EPHB6: variants seen among roughly 807,000 people sequenced by gnomAD.
EPHB6 encodes the protein EPH receptor B6, also known as ephrin type-B receptor 6.
In EPHB6, 51 loss-of-function variants were observed where a neutral mutation model predicts 107.0. The ratio of observed to expected loss-of-function variants is 0.48; its 90% CI spans 0.38 to 0.60. The LOEUF (loss-of-function observed/expected upper bound fraction) is 0.60. Among genes scored for constraint, EPHB6 ranks in the 20% least tolerant of loss-of-function variants. The pLI is 0.00. For missense variants in EPHB6, 1,141 were observed against 1,355.5 expected (o/e 0.84, Z 2.48); for synonymous variants, 553 against 549.0 (o/e 1.01, Z -0.10).
rs1803025853 is a variant in EPHB6, at chr7:142,864,382, A to G, written c.582A>G (p.Gln194=). Residue 194 remains glutamine, a synonymous_variant, in exon 7 of 20, where the codon CAA becomes CAG. Coordinates refer to ENST00000652003, the MANE Select transcript of EPHB6 (RefSeq NM_004445.6). ...PHGAGQRAGL[Q]LNVKERSFGP... is the part of the protein sequence containing the mutation. ...GGGCTGGGCAGCGGGCTGGACTGCA[A>G]CTGAACGTCAAAGAGCGGAGCTTTG... The G allele has an allele frequency of 6.2e-7, 1 of 1,613,204 alleles. No homozygotes were observed. Among genetic ancestry groups the G allele is most frequent in the Non-Finnish European group, 8.5e-7 (1 of 1,179,904 alleles).
rs1198745383 is a variant in EPHB6 at position 142,863,255 on chromosome 7, G to A, written c.28G>A (p.Gly10Arg). 6.8e-6 allele frequency: 11 copies of A among 1,614,040 alleles called. No homozygotes were observed. The highest frequency in any genetic ancestry group is 1.3e-5 in the African/African-American group (1 of 74,998). The change falls in exon 5 of 20, where the codon GGG becomes AGG. Residue 10 changes from glycine (G) to arginine (R), a missense_variant. Coordinates refer to ENST00000652003, the MANE Select transcript of EPHB6 (RefSeq NM_004445.6). ...GGCTACTGAAGGGGCTGCCCAGTTA[G>A]GGAACAGAGTGGCGGGCATGGTGTG... MATEGAAQL[G>R]NRVAGMVCSL...
At position 142,867,082 on chromosome 7, in the gene EPHB6, A is replaced by G; in HGVS notation, c.1750+14A>G. On this transcript the variant is annotated intron_variant, in intron 11 of 19. Transcript: ENST00000652003. The surrounding 1 kb of genome is among the most constrained non-coding windows in gnomAD (Gnocchi z 5.3). ...CACTTCCTCAAGGTGAGCGGGGGTC[A>G]AGGGCCAGATGGGCAGGTGAAGGCC... The G allele has an allele frequency of 6.2e-7, 1 of 1,611,122 alleles. No individual in the cohort carries two copies. The highest frequency in any genetic ancestry group is 8.5e-7 in the Non-Finnish European group (1 of 1,179,502).
At chr7:142,857,196 C>T (rs559367906) in intron 1 of EPHB6, among the ~76,000 whole-genome samples, 1 of 152,334 alleles carries the variant, frequency 6.6e-6, no homozygotes, top group East Asian at 1.9e-4. Context: ...GCACATTTGT[C>T]TGAGTCACAG....
Position 142,870,669 on chromosome 7 carries a change from G to T in EPHB6, c.2944G>T (p.Ala982Ser), listed in dbSNP as rs1794875450. The part of the protein sequence containing the change: ...KFGLCTFSDV[A>S]QLSLEDLPAL... ...TGGCCTCTGTACCTTCAGTGATGTG[G>T]CTCAGCTCAGCCTAGAGTAAGCAGG... The change falls in exon 19 of 20, where the codon GCT becomes TCT. Residue 982 changes from alanine (A) to serine (S), a missense_variant. Physicochemically the swap from Ala to Ser is moderately conservative, Grantham distance 99. Around this residue, in one of 3 missense-constraint regions of EPHB6, gnomAD observed 616 missense variants for 759.3 expected, o/e 0.81. Coordinates refer to ENST00000652003, the MANE Select transcript of EPHB6 (RefSeq NM_004445.6). The T allele has an allele frequency of 6.2e-7, 1 of 1,614,222 alleles. No individual in the cohort carries two copies. Among genetic ancestry groups the T allele is most frequent in the East Asian group, 2.2e-5 (1 of 44,880 alleles).
Position 142,855,699 on chromosome 7 carries a change from G to A in EPHB6, c.-432+314G>A, listed in dbSNP as rs1344476785. On this transcript the variant is annotated intron_variant, in intron 1 of 19. Coordinates refer to ENST00000652003, the MANE Select transcript of EPHB6 (RefSeq NM_004445.6). The surrounding 1 kb of genome is among the most constrained non-coding windows in gnomAD (Gnocchi z 4.2). ...GGCTTGGGAGTCCTAATCTGGGAGG[G>A]TCCTCGCAGAGACGGAGCTCCACGC... Among the ~76,000 whole-genome samples the A allele has an allele frequency of 6.6e-6, 1 of 152,150 alleles. No homozygotes were observed. The highest frequency in any genetic ancestry group is 1.5e-5 in the Non-Finnish European group (1 of 68,008).
In EPHB6 at chr7:142,861,125, A is replaced by T. The variant is rs1478686494; in HGVS notation, c.-358A>T. 6.6e-6 allele frequency: 1 copy of T among 152,140 alleles called. No homozygotes were observed. The highest frequency in any genetic ancestry group is 1.5e-5 in the Non-Finnish European group (1 of 68,034). 9.4% of individuals were successfully genotyped at this position (152,140 alleles called of 1,614,324 possible). ...ACACGAGGAGAGATAGAGAACCGCC[A>T]ATCTCTAAATCAACAAGCAAAGGAG... is the stretch of plus-strand genomic sequence containing the variant. On this transcript the variant is annotated 5_prime_UTR_variant, in exon 2 of 20. Coordinates refer to ENST00000652003, the MANE Select transcript of EPHB6 (RefSeq NM_004445.6).
rs1267640390 is a variant in EPHB6, at chr7:142,864,433, C to T, written c.633C>T (p.Tyr211=). 2.5e-6 allele frequency: 4 copies of T among 1,612,014 alleles called. No homozygotes were observed. Among genetic ancestry groups the T allele is most frequent in the Non-Finnish European group, 3.4e-6 (4 of 1,179,208 alleles). ...SFGPLTQRGF[Y]VAFQDTGACL... is the part of the protein sequence containing the mutation. ...GGCCTCTCACCCAACGCGGCTTCTA[C>T]GTGGCCTTCCAGGACACGGGGGCCT... is the stretch of plus-strand genomic sequence containing the variant. Residue 211 remains tyrosine (Y), a synonymous_variant, in exon 7 of 20, where the codon TAC becomes TAT. Coordinates refer to ENST00000652003, the MANE Select transcript of EPHB6 (RefSeq NM_004445.6).
At chr7:142,863,549 T>G in intron 5 of EPHB6, 82 bp from the exon 6 acceptor site, 1 of 1,528,944 alleles carries the variant, frequency 6.5e-7, no homozygotes. Context: ...GGGCATTCTT[T>G]TGTTCGCGGT....
In EPHB6 at chr7:142,868,955, C is replaced by T. The variant is rs1370618905; in HGVS notation, c.2287-19C>T. ...CTGTCTCCGATCACTGACCTCTGCC[C>T]CCTGCCCCTTCCCCTCAGCAGCGGG... On this transcript the variant is annotated intron_variant, in intron 15 of 19. Transcript: ENST00000652003. This position sits in a 1 kb window ranked among gnomAD's most constrained non-coding sequence, Gnocchi z 4.2. The T allele has an allele frequency of 1.2e-6, 2 of 1,604,664 alleles. No homozygotes were observed. The highest frequency in any genetic ancestry group is 2.2e-5 in the East Asian group (1 of 44,852).
At position 142,865,481 on chromosome 7, in the gene EPHB6, C is replaced by T. The variant is rs898901943; in HGVS notation, c.956C>T (p.Pro319Leu). The T allele has an allele frequency of 1.9e-6, 3 of 1,613,176 alleles. No homozygotes were observed. The highest frequency in any genetic ancestry group is 4.5e-5 in the East Asian group (2 of 44,862). The change falls in exon 8 of 20, where the codon CCA becomes CTA. Residue 319 changes from proline to leucine, a missense_variant. Physicochemically the swap from Pro to Leu is moderately conservative, Grantham distance 98 (BLOSUM62 -3). Transcript: ENST00000652003. Reference sequence around the variant, plus strand: ...CTCTCCTCTGCCTCCTCAGCCTGCCCACGGGGGCTCTATAAGGCTTCTGCT... The same window carrying T: ...CTCTCCTCTGCCTCCTCAGCCTGCCTACGGGGGCTCTATAAGGCTTCTGCT... ...ARGDKACQAC[P>L]RGLYKASAGN...
Position 142,864,295 on chromosome 7 carries a change from CT to C in EPHB6, c.496del (p.Ser166ProfsTer30). ...DTIAADESFPSSSSSSSSSSS... is the reference protein window; with the variant it reads ...DTIAADESFPXSSSSSSSSSS... ...CAATTGCAGCAGACGAGAGCTTTCC[CT>C]CCTCCTCCTCCTCCTCCTCCTCCTC... On this transcript the variant is annotated frameshift_variant, in exon 7 of 20. Transcript: ENST00000652003. LOFTEE classifies it high-confidence loss of function. The C allele has an allele frequency of 2.0e-5, 1 of 50,278 alleles. No individual in the cohort carries two copies. The highest frequency in any genetic ancestry group is 8.5e-4 in the South Asian group (1 of 1,176). The allele number at this position is 50,278 out of a possible 1,614,324, so 3.1% of individuals were successfully genotyped here.
chr7:142,862,458 A>G (rs576076449), intron 3 of EPHB6, among the ~76,000 whole-genome samples: 1 of 152,302 alleles, frequency 6.6e-6, no homozygotes, highest in South Asian at 2.1e-4. Context: ...TTGTTCACAA[A>G]GTGTATGCCA....
rs1411090527 is a variant in EPHB6, at chr7:142,862,753, C to G, written c.-179-3C>G. ...AATGAAAATCTTCTAACTTCCAATA[C>G]AGGGTGGCTGTTGGAGGAAGGGAGG... On this transcript the variant is annotated splice_polypyrimidine_tract_variant and splice_region_variant and intron_variant, in intron 3 of 19. Coordinates refer to ENST00000652003, the MANE Select transcript of EPHB6 (RefSeq NM_004445.6). The G allele has an allele frequency of 6.4e-6, 1 of 155,934 alleles. No homozygotes were observed. The highest frequency in any genetic ancestry group is 1.4e-5 in the Non-Finnish European group (1 of 70,874). 9.7% of individuals were successfully genotyped at this position (155,934 alleles called of 1,614,324 possible). A position where few individuals can be genotyped will look rare whatever the true frequency, so the allele number is the denominator to read the frequency against.
At position 142,869,962 on chromosome 7, in the gene EPHB6, A is replaced by C; in HGVS notation, c.2606A>C (p.Gln869Pro). ...GERPYWDMSEQEVLNAIEQEF... is the reference protein window; with the variant it reads ...GERPYWDMSEPEVLNAIEQEF... ...CGGCCTTACTGGGACATGAGTGAGCAGGAGGTGAGCACTGACCTAGACACT... is the reference window on the plus strand; with the variant it reads ...CGGCCTTACTGGGACATGAGTGAGCCGGAGGTGAGCACTGACCTAGACACT... Residue 869 changes from glutamine (Q) to proline (P), a missense_variant, in exon 17 of 20, where the codon CAG (glutamine) becomes CCG (proline). By Grantham distance (76) the Gln-to-Pro change is moderately conservative. Around this residue, in one of 3 missense-constraint regions of EPHB6, gnomAD observed 616 missense variants for 759.3 expected, o/e 0.81. Coordinates refer to ENST00000652003, the MANE Select transcript of EPHB6 (RefSeq NM_004445.6). This position sits in a 1 kb window ranked among gnomAD's most constrained non-coding sequence, Gnocchi z 4.5. 2 of 1,614,188 alleles carry C rather than the reference A, an allele frequency of 1.2e-6. No homozygotes were observed. Among genetic ancestry groups the C allele is most frequent in the Admixed American group, 3.3e-5 (2 of 60,022 alleles).
At position 142,866,040 on chromosome 7, in the gene EPHB6, C is replaced by G. The variant is rs540484128; in HGVS notation, c.1186C>G (p.Leu396Val). The G allele has an allele frequency of 6.5e-5, 105 of 1,613,074 alleles. 2 individuals are homozygous for G. The South Asian group carries it at 1.1e-3, about 17-fold the overall frequency. Residue 396 changes from leucine to valine, a missense_variant, in exon 9 of 20, where the codon CTG becomes GTG. Physicochemically the swap from Leu to Val is conservative, Grantham distance 32. Coordinates refer to ENST00000652003, the MANE Select transcript of EPHB6 (RefSeq NM_004445.6). The surrounding 1 kb of genome is among the most constrained non-coding windows in gnomAD (Gnocchi z 5.2). Reference protein sequence around the residue: ...LMLHWRLPRELGGRGDLLFNV... With the variant: ...LMLHWRLPREVGGRGDLLFNV... ...GCTACACTGGCGCCTGCCTCGGGAGCTGGGGGGTCGAGGGGACCTGCTCTT... is the reference window on the plus strand; with the variant it reads ...GCTACACTGGCGCCTGCCTCGGGAGGTGGGGGGTCGAGGGGACCTGCTCTT...
Position 142,866,023 on chromosome 7 carries a change from G to C in EPHB6, c.1169G>C (p.Trp390Ser), listed in dbSNP as rs2116441799. The C allele has an allele frequency of 6.2e-7, 1 of 1,613,856 alleles. No individual in the cohort carries two copies. The highest frequency in any genetic ancestry group is 2.2e-5 in the East Asian group (1 of 44,858). The stretch of plus-strand genomic sequence containing the variant: ...CAAGGCTCAGCACTCATGCTACACT[G>C]GCGCCTGCCTCGGGAGCTGGGGGGT... ...EVQGSALMLH[W>S]RLPRELGGRG... The change falls in exon 9 of 20, where the codon TGG (tryptophan) becomes TCG (serine). Residue 390 changes from tryptophan to serine, a missense_variant. Physicochemically the swap from Trp to Ser is radical, Grantham distance 177 (BLOSUM62 -3). Transcript: ENST00000652003. The surrounding 1 kb of genome is among the most constrained non-coding windows in gnomAD (Gnocchi z 5.2).
chr7:142,866,174 CCTGA>C lies in EPHB6; in HGVS notation c.1325_1328del (p.Thr442ArgfsTer5), dbSNP rs1318213236. ...TCCACTTCGACCCTCGCCAGAGAGGCCTGACTGAGAGCCGAGTGTTAGTGGGGGG... is the reference window on the plus strand; with the variant it reads ...TCCACTTCGACCCTCGCCAGAGAGGCCTGAGAGCCGAGTGTTAGTGGGGGG... On this transcript the variant is annotated frameshift_variant, in exon 9 of 20. Coordinates refer to ENST00000652003, the MANE Select transcript of EPHB6 (RefSeq NM_004445.6). LOFTEE classifies it high-confidence loss of function. This position sits in a 1 kb window ranked among gnomAD's most constrained non-coding sequence, Gnocchi z 5.2. The C allele has an allele frequency of 6.2e-7, 1 of 1,614,134 alleles. No individual in the cohort carries two copies.
At chr7:142,861,212 T>A (rs1217901371) in intron 2 of EPHB6, 26 bp downstream of exon 2, 1 of 152,190 alleles carries the variant, frequency 6.6e-6, no homozygotes, top group Non-Finnish European at 1.5e-5. Context: ...GTTCATTTGC[T>A]CGTGAGCTTA....
At position 142,866,496 on chromosome 7, in the gene EPHB6, C is replaced by T. The variant is rs1382943675; in HGVS notation, c.1478C>T (p.Pro493Leu). ...TGCACTCTAGTGCCCTCTGCTGTCC[C>T]TGTGGTGCACCAGGTGAGCCGGGCA... ...STSHEVPSAV[P>L]VVHQVSRASN... Residue 493 changes from proline (P) to leucine (L), a missense_variant, in exon 10 of 20, where the codon CCT becomes CTT. Transcript: ENST00000652003. This position sits in a 1 kb window ranked among gnomAD's most constrained non-coding sequence, Gnocchi z 5.2. 26 of 1,614,170 alleles carry T rather than the reference C, an allele frequency of 1.6e-5. No homozygotes were observed. Among genetic ancestry groups the T allele is most frequent in the Non-Finnish European group, 2.1e-5 (25 of 1,180,036 alleles).
Sources: gnomAD v4.1 joint callset for allele counts (sites outside exome capture counted in the v4.1 genomes callset) on GRCh38, gnomAD v4.1.1 for gene constraint, gnomAD v4.1.1 regional missense constraint, Gnocchi (gnomAD v3.1) non-coding constraint, MANE v1.5 for transcripts, NCBI Gene and HGNC (gene_info 2026-07-23, HGNC 2026-07-21) for gene names.